Variants in ZNF532 observed in about 807,000 individuals in gnomAD.
ZNF532 encodes zinc finger protein 532.
ZNF532 carries 22 observed loss-of-function variants against 89.3 expected under a neutral mutation model. The observed-to-expected ratio is 0.25, with a 90% CI of 0.18 to 0.35. The LOEUF is 0.35. Ranked by LOEUF, ZNF532 falls within the 10% of genes least tolerant of loss-of-function variation. The pLI is 1.00. For synonymous variants in ZNF532, 606 were observed against 649.6 expected, an observed-to-expected ratio of 0.93 and a Z score of 1.02; for missense variants, 1,132 against 1,643.4, an observed-to-expected ratio of 0.69 and a Z score of 5.38.
At chr18:58,888,847 A>G (rs1389595236) in intron 2 of ZNF532, among the ~76,000 whole-genome samples, 1 of 59,356 alleles carries the variant, frequency 1.7e-5, no homozygotes, top group East Asian at 6.5e-4. Context: ...TAATTTATAT[A>G]TATATAATTT....
chr18:58,900,415 GC>G (rs1230588538), intron 2 of ZNF532, among the ~76,000 whole-genome samples: 1 of 152,148 alleles, frequency 6.6e-6, no homozygotes, highest in Non-Finnish European at 1.5e-5. Flanking sequence ...GGCTTTGATA[GC>G]CCAGAGATTC....
chr18:58,984,025 C>G lies in ZNF532; in HGVS notation c.3465C>G (p.Pro1155=). ...LEEPVLEFRP[P]RGAITQPLKK... is the part of the protein sequence containing the mutation. ...AACCAGTTCTGGAGTTCAGGCCTCC[C>G]CGAGGAGCAATCACTCAACCACTGA... The change falls in exon 10 of 10, where the codon CCC becomes CCG. Residue 1155 remains proline, a synonymous_variant. Transcript: ENST00000591808. The G allele has an allele frequency of 6.2e-7, 1 of 1,611,758 alleles. No homozygotes were observed.
intron 3 of ZNF532, among the ~76,000 whole-genome samples, chr18:58,921,049 C>T (rs551536782): frequency 2.4e-4 from 36 of 151,690 alleles, no homozygotes; most frequent in African/African-American, 8.5e-4. Flanking sequence ...GTGATTGAGC[C>T]ACTGCACTGT....
chr18:58,961,270 T>C (rs1188486369), intron 7 of ZNF532, among the ~76,000 whole-genome samples: 2 of 152,214 alleles, frequency 1.3e-5, no homozygotes, highest in Non-Finnish European at 2.9e-5. Context: ...CTTTGCGAAC[T>C]ACTGGCTTAG....
chr18:58,958,899 G>A (rs1334980177), intron 7 of ZNF532, among the ~76,000 whole-genome samples: 1 of 152,172 alleles, frequency 6.6e-6, no homozygotes, highest in Non-Finnish European at 1.5e-5. Context: ...TTTTAGGTGG[G>A]TTGTGGATCT....
chr18:58,864,154 C>T (rs1408999240), upstream of ZNF532: 1 of 152,544 alleles, frequency 6.6e-6, no homozygotes, highest in Non-Finnish European at 1.5e-5. Context: ...GCCCCCCGCC[C>T]CCTCCCCAGA....
intron 3 of ZNF532, among the ~76,000 whole-genome samples, chr18:58,925,522 T>G (rs1192778445): frequency 6.6e-6 from 1 of 152,228 alleles, no homozygotes; most frequent in Non-Finnish European, 1.5e-5. Flanking sequence ...TAGATACTAG[T>G]CTTTTGTTGG....
chr18:58,879,352 G>T (rs2057698152), intron 2 of ZNF532, among the ~76,000 whole-genome samples: 1 of 152,194 alleles, frequency 6.6e-6, no homozygotes, highest in Non-Finnish European at 1.5e-5. Context: ...ATGTTTATTG[G>T]GTAAGTGTAA....
In ZNF532 at chr18:58,985,735, A is replaced by G. The variant is rs1241920607; in HGVS notation, c.*1269A>G. 3 of 127,718 alleles carry G rather than the reference A, an allele frequency of 2.3e-5. No homozygotes were observed. Among genetic ancestry groups the G allele is most frequent in the Non-Finnish European group, 5.2e-5 (3 of 58,226 alleles). The allele number at this position is 127,718 out of a possible 1,614,324, so 7.9% of individuals were successfully genotyped here. A position where few individuals can be genotyped will look rare whatever the true frequency, so the allele number is the denominator to read the frequency against. On this transcript the variant is annotated 3_prime_UTR_variant, in exon 10 of 10. Transcript: ENST00000591808. ...TTTTGTGTTTTCTTTTGCATTTTGTATCTTGTATTTATCCCTGAACATGTT... is the reference window on the plus strand; with the variant it reads ...TTTTGTGTTTTCTTTTGCATTTTGTGTCTTGTATTTATCCCTGAACATGTT...
chr18:58,939,915 CAA>C (rs1203570240), intron 5 of ZNF532: 1 of 200,310 alleles, frequency 5.0e-6, no homozygotes, highest in East Asian at 1.2e-4. Flanking sequence ...TTTTTTGAGA[CAA>C]GAGTCTCGCT....
In ZNF532 at chr18:58,920,415, G is replaced by A; in HGVS notation, c.2128G>A (p.Gly710Arg). 1 of 1,613,904 alleles carries A rather than the reference G, an allele frequency of 6.2e-7. No individual in the cohort carries two copies. Among genetic ancestry groups the A allele is most frequent in the Non-Finnish European group, 8.5e-7 (1 of 1,179,868 alleles). Residue 710 changes from glycine to arginine, a missense_variant, in exon 3 of 10, where the codon GGA becomes AGA. By Grantham distance (125) the Gly-to-Arg change is moderately radical. This residue lies in a region of ZNF532 where 100 missense variants were observed against 122.0 expected (regional missense o/e 0.82). Transcript: ENST00000591808. ...TSTSTLQSPV[G>R]AGTHTVTKIQ... ...AACTTCCACTCTTCAGAGCCCTGTG[G>A]GAGCTGGCACACACACTGTCACAAA...
chr18:58,981,234 G>T (rs148730792), intron 8 of ZNF532: 669 of 511,886 alleles, frequency 1.3e-3, no homozygotes, highest in Non-Finnish European at 2.1e-3. Context: ...CTGAGTCATT[G>T]TGAAAACTTC....
Position 58,919,341 on chromosome 18 carries a change from G to A in ZNF532, c.1054G>A (p.Ala352Thr), listed in dbSNP as rs141822309. ...CAGCAAAGGATCCCCGTCCTCTCCC[G>A]CAGGGTCCACACCAGCAATCCCCAA... ...NSSKGSPSSP[A>T]GSTPAIPKVR... Residue 352 changes from alanine (A) to threonine (T), a missense_variant, in exon 3 of 10, where the codon GCA becomes ACA. By Grantham distance (58) the Ala-to-Thr change is moderately conservative (BLOSUM62 0). Around this residue, in one of 9 missense-constraint regions of ZNF532, gnomAD observed 124 missense variants for 191.6 expected, o/e 0.65. Transcript: ENST00000591808. This position sits in a 1 kb window ranked among gnomAD's most constrained non-coding sequence, Gnocchi z 6.1. 9.5e-4 allele frequency: 1,531 copies of A among 1,614,104 alleles called. 1 individual carries two copies. The highest frequency in any genetic ancestry group is 1.2e-3 in the Non-Finnish European group (1,391 of 1,180,010).
intron 2 of ZNF532, among the ~76,000 whole-genome samples, chr18:58,866,786 A>G (rs546926786): frequency 1.4e-4 from 22 of 152,364 alleles, no homozygotes; most frequent in Admixed American, 8.5e-4. Context: ...CAGAACATCC[A>G]CTATGTGATA....
intron 2 of ZNF532, among the ~76,000 whole-genome samples, chr18:58,903,469 T>C (rs2059727697): frequency 6.6e-6 from 1 of 151,526 alleles, no homozygotes; most frequent in Admixed American, 6.6e-5. Flanking sequence ...ATCTGGAAAT[T>C]CTGAACAAGA....
Position 58,948,087 on chromosome 18 carries a change from T to C in ZNF532, c.2726T>C (p.Met909Thr), listed in dbSNP as rs769777440. Residue 909 changes from methionine (M) to threonine (T), a missense_variant, in exon 6 of 10, where the codon ATG (methionine) becomes ACG (threonine). By Grantham distance (81) the Met-to-Thr change is moderately conservative (BLOSUM62 -1). Around this residue, in one of 9 missense-constraint regions of ZNF532, gnomAD observed 415 missense variants for 604.8 expected, o/e 0.69. Transcript: ENST00000591808. ...GEPKIIYKCS[M>T]CDTVFTLQTL... Reference sequence around the variant, plus strand: ...TTTAGAATAATATATAAGTGTTCCATGTGCGACACTGTGTTCACCCTGCAA... The same window carrying C: ...TTTAGAATAATATATAAGTGTTCCACGTGCGACACTGTGTTCACCCTGCAA... 19 of 1,613,284 alleles carry C rather than the reference T, an allele frequency of 1.2e-5. No individual in the cohort carries two copies. In the African/African-American group the frequency reaches 2.3e-4, roughly 19 times the overall value.
intron 2 of ZNF532, among the ~76,000 whole-genome samples, chr18:58,888,869 A>T (rs1428431391): frequency 4.7e-5 from 2 of 42,676 alleles, no homozygotes; most frequent in South Asian, 7.4e-4. Context: ...TATATATATA[A>T]TATATATTAT....
intron 9 of ZNF532, among the ~76,000 whole-genome samples, chr18:58,982,230 G>C (rs1024229825): frequency 2.6e-5 from 4 of 152,090 alleles, no homozygotes; most frequent in African/African-American, 7.2e-5. Context: ...TTTGAACCCA[G>C]GAGGCAGAGG....
intron 2 of ZNF532, among the ~76,000 whole-genome samples, chr18:58,888,729 T>C (rs1447363355): frequency 6.7e-4 from 3 of 4,462 alleles, no homozygotes; most frequent in Admixed American, 4.0e-3. Flanking sequence ...ATATATAAAT[T>C]ATATATATAT....
Sources: allele counts gnomAD v4.1 joint callset (sites outside exome capture counted in the v4.1 genomes callset), GRCh38; gene constraint gnomAD v4.1.1; regional missense constraint gnomAD v4.1.1; non-coding constraint Gnocchi (gnomAD v3.1); transcripts MANE v1.5; gene names NCBI Gene and HGNC (gene_info 2026-07-23, HGNC 2026-07-21).